The following TMC1 variants were observed in gnomAD, a reference collection of about 807,000 sequenced individuals.
The protein encoded by TMC1 is transmembrane channel like 1.
A neutral mutation model predicts 105.8 loss-of-function variants in TMC1; 84 were observed. The observed-to-expected ratio is 0.79, with a 90% CI of 0.67 to 0.95. TMC1 has a LOEUF of 0.95. TMC1 is among the 40% of genes least tolerant of loss of function. TMC1 has a pLI of 0.00. For synonymous variants in TMC1, 315 were observed against 311.5 expected, an observed-to-expected ratio of 1.01 and a Z score of -0.12; for missense variants, 817 against 914.1, an observed-to-expected ratio of 0.89 and a Z score of 1.37.
intron 4 of TMC1, among the ~76,000 whole-genome samples, chr9:72,630,696 C>T (rs1283255952): frequency 6.6e-6 from 1 of 152,118 alleles, no homozygotes; most frequent in East Asian, 1.9e-4. Flanking sequence ...ATATATCCCT[C>T]TCCCTGTCAA....
intron 1 of TMC1, among the ~76,000 whole-genome samples, chr9:72,530,285 T>C (rs1823477192): frequency 1.3e-5 from 2 of 152,208 alleles, no homozygotes; most frequent in Non-Finnish European, 2.9e-5. Flanking sequence ...CAAGTAATTA[T>C]GTCTCAGCTT....
intron 1 of TMC1, among the ~76,000 whole-genome samples, chr9:72,558,168 T>TTCTC (rs968870403): frequency 1.3e-5 from 2 of 150,660 alleles, no homozygotes; most frequent in Non-Finnish European, 3.0e-5. Context: ...CTTTCTCTCT[T>TTCTC]TCTCTCTCTC....
At chr9:72,819,497 T>C (rs1375490992) in intron 19 of TMC1, among the ~76,000 whole-genome samples, 1 of 152,202 alleles carries the variant, frequency 6.6e-6, no homozygotes, top group East Asian at 1.9e-4. Flanking sequence ...TTAAAATCTG[T>C]CTTCTCATTA....
At chr9:72,735,392 T>C (rs369737397) in intron 8 of TMC1, among the ~76,000 whole-genome samples, 1 of 152,220 alleles carries the variant, frequency 6.6e-6, no homozygotes, top group Non-Finnish European at 1.5e-5. Flanking sequence ...TAAATACAAA[T>C]GAGTAGGAGA....
chr9:72,652,769 A>G (rs894083666), intron 5 of TMC1, among the ~76,000 whole-genome samples: 3 of 152,356 alleles, frequency 2.0e-5, no homozygotes, highest in South Asian at 2.1e-4. Flanking sequence ...CAATGTATCA[A>G]TAGATTCTAT....
intron 2 of TMC1, among the ~76,000 whole-genome samples, chr9:72,605,367 C>T (rs1423357283): frequency 1.3e-5 from 2 of 152,138 alleles, no homozygotes; most frequent in Non-Finnish European, 2.9e-5. Context: ...GGGCTGCTGT[C>T]ACAGAACACA....
chr9:72,567,896 T>C (rs1824194598), intron 1 of TMC1, among the ~76,000 whole-genome samples: 1 of 152,132 alleles, frequency 6.6e-6, no homozygotes, highest in Non-Finnish European at 1.5e-5. Flanking sequence ...GCCCTAAAAA[T>C]TGTTTATCAT....
chr9:72,830,373 T>G (rs1829019603), intron 21 of TMC1, 78 bp from the exon 22 acceptor site: 2 of 959,372 alleles, frequency 2.1e-6, no homozygotes, highest in African/African-American at 3.3e-5. Flanking sequence ...ATTTCATAAT[T>G]TACTTAATGT....
At chr9:72,817,341 T>C (rs949149775) in intron 19 of TMC1, 5 of 152,182 alleles carry the variant, frequency 3.3e-5, no homozygotes, top group African/African-American at 1.2e-4. Flanking sequence ...TTTCCAAGTA[T>C]GACTCACATG....
intron 5 of TMC1, among the ~76,000 whole-genome samples, chr9:72,651,849 T>C (rs777109397): frequency 9.2e-5 from 14 of 152,120 alleles, no homozygotes; most frequent in Non-Finnish European, 2.9e-5. Flanking sequence ...GAGATTTTGG[T>C]GCACCTATCA....
chr9:72,819,335 G>T (rs1161044027), intron 19 of TMC1, among the ~76,000 whole-genome samples: 2 of 152,192 alleles, frequency 1.3e-5, no homozygotes, highest in Non-Finnish European at 2.9e-5. Flanking sequence ...AAGACTCAAA[G>T]TGTATTACAT....
At chr9:72,635,215 T>C (rs540290900) in intron 4 of TMC1, among the ~76,000 whole-genome samples, 2 of 151,114 alleles carry the variant, frequency 1.3e-5, no homozygotes, top group East Asian at 3.9e-4. Flanking sequence ...ATTGTGTCAC[T>C]GTACTCTGGC....
chr9:72,636,665 G>A (rs75683582), intron 4 of TMC1, among the ~76,000 whole-genome samples: 1,758 of 132,042 alleles, frequency 0.013, 16 homozygotes, highest in Non-Finnish European at 0.019. Flanking sequence ...CCAAGATTGC[G>A]CCACTGCACT....
chr9:72,745,381 A>G (rs554583650), intron 10 of TMC1, among the ~76,000 whole-genome samples: 1 of 152,202 alleles, frequency 6.6e-6, no homozygotes, highest in African/African-American at 2.4e-5. Flanking sequence ...GGAAGGTTTT[A>G]CATACTTTTT....
intron 4 of TMC1, among the ~76,000 whole-genome samples, chr9:72,644,408 A>G (rs1296557120): frequency 6.6e-6 from 1 of 152,016 alleles, no homozygotes; most frequent in Non-Finnish European, 1.5e-5. Context: ...ATTTGGGTCT[A>G]TGGTCCATTT....
chr9:72,617,945 GTGTGTA>G (rs1447053168), intron 3 of TMC1, among the ~76,000 whole-genome samples: 19 of 130,440 alleles, frequency 1.5e-4, no homozygotes, highest in South Asian at 4.6e-4. Context: ...GTGTGTGTGT[GTGTGTA>G]TGTGTGATTT....
intron 9 of TMC1, chr9:72,741,046 G>C (rs1276375632): frequency 1.3e-5 from 2 of 153,324 alleles, no homozygotes; most frequent in African/African-American, 4.9e-5. Flanking sequence ...TAAAGATGCT[G>C]TGACAATGTA....
intron 4 of TMC1, among the ~76,000 whole-genome samples, chr9:72,646,591 A>C (rs1310839849): frequency 6.6e-6 from 1 of 150,824 alleles, no homozygotes; most frequent in African/African-American, 2.4e-5. Context: ...GTTTTTGCTC[A>C]TCTTATTGGG....
chr9:72,648,648 G>A lies in TMC1; in HGVS notation c.-1G>A, dbSNP rs765021495. ...AGACCTTCTGACAGGACACCCCCAGGATGTCACCCAAAAAAGGTATTTACA... is the reference window on the plus strand; with the variant it reads ...AGACCTTCTGACAGGACACCCCCAGAATGTCACCCAAAAAAGGTATTTACA... On this transcript the variant is annotated 5_prime_UTR_variant, in exon 5 of 24. Coordinates refer to ENST00000297784, the MANE Select transcript of TMC1 (RefSeq NM_138691.3). 36 of 1,613,200 alleles carry A rather than the reference G, an allele frequency of 2.2e-5. No homozygotes were observed. The highest frequency in any genetic ancestry group is 3.0e-5 in the Non-Finnish European group (35 of 1,179,398).
Sources: allele counts gnomAD v4.1 joint callset (sites outside exome capture counted in the v4.1 genomes callset), GRCh38; gene constraint gnomAD v4.1.1; transcripts MANE v1.5; gene names NCBI Gene and HGNC (gene_info 2026-07-23, HGNC 2026-07-21).